TXLNB: variants seen among roughly 807,000 people sequenced by gnomAD.
TXLNB encodes the protein beta-taxilin.
Under a neutral mutation model 57.4 loss-of-function variants are expected in TXLNB, and 37 were observed. The ratio of observed to expected loss-of-function variants is 0.64; its 90% CI spans 0.50 to 0.85. The LOEUF (loss-of-function observed/expected upper bound fraction) is 0.85, where lower values mean the gene tolerates loss of function less well. Ranked by LOEUF, TXLNB falls within the 40% of genes least tolerant of loss-of-function variation. TXLNB has a pLI of 0.00. For missense variants in TXLNB, 848 were observed against 825.6 expected (o/e 1.03, Z -0.33); for synonymous variants, 302 against 309.6 (o/e 0.98, Z 0.26).
At chr6:139,162,732 C>CAA in the TXLNB span, among the ~76,000 whole-genome samples, 3 of 152,306 alleles carry the variant, frequency 2.0e-5, no homozygotes, top group East Asian at 5.8e-4. Flanking sequence ...ACATTGCCAC[C>CAA]ACCCTCTGCT....
chr6:139,303,491 C>T, the TXLNB span, among the ~76,000 whole-genome samples: 1 of 152,098 alleles, frequency 6.6e-6, no homozygotes, highest in Non-Finnish European at 1.5e-5. Context: ...GGATGGAATG[C>T]ATTTTCTTTC....
At position 139,276,884 on chromosome 6, in the gene TXLNB, C is replaced by T; in HGVS notation, c.462G>A (p.Lys154=). The change falls in exon 3 of 10, where the codon AAG becomes AAA. Residue 154 remains lysine, a synonymous_variant. Coordinates refer to ENST00000358430, the MANE Select transcript of TXLNB (RefSeq NM_153235.4). ...CAAACTTTTCTTCCGGTGTTTGCAACTTGTTCAGATTTTGCATTAGCAGGT... is the reference window on the plus strand; with the variant it reads ...CAAACTTTTCTTCCGGTGTTTGCAATTTGTTCAGATTTTGCATTAGCAGGT... ...EANLLMQNLN[K]LQTPEEKFDF... 6.3e-7 allele frequency: 1 copy of T among 1,597,688 alleles called. No individual in the cohort carries two copies. The highest frequency in any genetic ancestry group is 8.5e-7 in the Non-Finnish European group (1 of 1,175,058).
At chr6:139,252,910 G>A (rs1776245151) in intron 7 of TXLNB, among the ~76,000 whole-genome samples, 1 of 152,194 alleles carries the variant, frequency 6.6e-6, no homozygotes, top group African/African-American at 2.4e-5. Flanking sequence ...AGAATGGCGT[G>A]AACCCCGGGA....
At chr6:139,174,796 T>C in the TXLNB span, among the ~76,000 whole-genome samples, 1 of 152,190 alleles carries the variant, frequency 6.6e-6, no homozygotes, top group Non-Finnish European at 1.5e-5. Context: ...TATAATAATA[T>C]GCTTGCATTT....
chr6:139,309,384 A>C, the TXLNB span, among the ~76,000 whole-genome samples: 1 of 152,240 alleles, frequency 6.6e-6, no homozygotes, highest in Non-Finnish European at 1.5e-5. Context: ...TCTAAACAGT[A>C]GATCTTGCGT....
the TXLNB span, among the ~76,000 whole-genome samples, chr6:139,315,099 G>A: frequency 2.0e-5 from 3 of 152,016 alleles, no homozygotes; most frequent in Admixed American, 6.6e-5. Flanking sequence ...TGGATCAGCC[G>A]GCACCACCTG....
At chr6:139,268,537 TAGAA>T (rs1176390743) in intron 4 of TXLNB, among the ~76,000 whole-genome samples, 1 of 152,264 alleles carries the variant, frequency 6.6e-6, no homozygotes, top group South Asian at 2.1e-4. Flanking sequence ...AAGAAAAAAT[TAGAA>T]AGAAAATTTG....
chr6:139,306,180 G>A, the TXLNB span, among the ~76,000 whole-genome samples: 1 of 152,166 alleles, frequency 6.6e-6, no homozygotes. Context: ...AGGTCCTTAA[G>A]GTTGTAAGGT....
chr6:139,321,092 T>G, the TXLNB span, among the ~76,000 whole-genome samples: 11 of 152,340 alleles, frequency 7.2e-5, no homozygotes, highest in East Asian at 1.7e-3. Context: ...TTGGGTTTTC[T>G]ACCTTATCCA....
the TXLNB span, among the ~76,000 whole-genome samples, chr6:139,194,563 T>C: frequency 6.6e-6 from 1 of 152,170 alleles, no homozygotes; most frequent in Admixed American, 6.5e-5. Flanking sequence ...ATCAATTCAG[T>C]CACCAAAATA....
At chr6:139,320,876 C>G in the TXLNB span, among the ~76,000 whole-genome samples, 1 of 152,200 alleles carries the variant, frequency 6.6e-6, no homozygotes, top group African/African-American at 2.4e-5. Flanking sequence ...CCCACTTTCT[C>G]CTTCTTCTTA....
At chr6:139,278,739 C>T (rs887690996) in intron 2 of TXLNB, among the ~76,000 whole-genome samples, 1 of 152,226 alleles carries the variant, frequency 6.6e-6, no homozygotes, top group African/African-American at 2.4e-5. Flanking sequence ...GGCACGGTGG[C>T]TCACGCCTGT....
the TXLNB span, among the ~76,000 whole-genome samples, chr6:139,214,323 C>T: frequency 6.6e-6 from 1 of 152,166 alleles, no homozygotes; most frequent in Non-Finnish European, 1.5e-5. Context: ...GCTGGTTCAA[C>T]ATATGCAAAT....
chr6:139,214,934 C>T, the TXLNB span, among the ~76,000 whole-genome samples: 1 of 152,030 alleles, frequency 6.6e-6, no homozygotes, highest in African/African-American at 2.4e-5. Context: ...TGTGAAGGAC[C>T]TCTTCAAGGA....
the TXLNB span, among the ~76,000 whole-genome samples, chr6:139,211,910 G>C: frequency 6.6e-5 from 10 of 152,114 alleles, no homozygotes; most frequent in African/African-American, 2.4e-4. Flanking sequence ...AAAATGAACT[G>C]TGAAGAGAAG....
chr6:139,280,842 G>A (rs192785966), intron 2 of TXLNB, among the ~76,000 whole-genome samples: 1 of 152,220 alleles, frequency 6.6e-6, no homozygotes, highest in East Asian at 1.9e-4. Flanking sequence ...TTCACTGTTA[G>A]TTTTGTTTTT....
chr6:139,258,481 AT>A (rs1776400408), intron 6 of TXLNB, among the ~76,000 whole-genome samples: 1 of 152,178 alleles, frequency 6.6e-6, no homozygotes, highest in African/African-American at 2.4e-5. Flanking sequence ...TTGTAGATGG[AT>A]TTCATAAATT....
chr6:139,240,106 ATTT>A lies in TXLNB; in HGVS notation c.*2417_*2419del, dbSNP rs111494451. 6.3e-3 allele frequency: 967 copies of A among 152,548 alleles called. 6 individuals are homozygous for A. Among genetic ancestry groups the A allele is most frequent in the African/African-American group, 0.022 (917 of 41,402 alleles). The allele number at this position is 152,548 out of a possible 1,614,324, so 9.4% of individuals were successfully genotyped here. On this transcript the variant is annotated 3_prime_UTR_variant, in exon 10 of 10. Coordinates refer to ENST00000358430, the MANE Select transcript of TXLNB (RefSeq NM_153235.4). Reference sequence around the variant, plus strand: ...TTTAATAGATATATAAATTATAGTTATTTAACTTAGAAAACAATAACTTTAGTG... The same window carrying A: ...TTTAATAGATATATAAATTATAGTTAAACTTAGAAAACAATAACTTTAGTG...
At chr6:139,283,890 T>A (rs1360108964) in intron 2 of TXLNB, among the ~76,000 whole-genome samples, 3 of 145,812 alleles carry the variant, frequency 2.1e-5, no homozygotes, top group Admixed American at 2.0e-4. Flanking sequence ...TAAGAATATA[T>A]CTTCAGATAT....
Sources: allele counts gnomAD v4.1 joint callset (sites outside exome capture counted in the v4.1 genomes callset), GRCh38; gene constraint gnomAD v4.1.1; transcripts MANE v1.5; gene names NCBI Gene and HGNC (gene_info 2026-07-23, HGNC 2026-07-21).